PRKN: variants seen among roughly 807,000 people sequenced by gnomAD.
PRKN encodes parkin RBR E3 ubiquitin protein ligase.
In PRKN, 56 loss-of-function variants were observed where a neutral mutation model predicts 59.5. The ratio of observed to expected loss-of-function variants is 0.94; its 90% CI spans 0.76 to 1.18. The LOEUF is 1.18. PRKN is among the 50% of genes most tolerant of loss of function. The pLI is 0.00. For synonymous variants in PRKN, 250 were observed against 222.1 expected (o/e 1.13, Z -1.12); for missense variants, 657 against 596.4 (o/e 1.10, Z -1.06).
At chr6:161,973,534 A>C (rs1780908148) in intron 5 of PRKN, 117 bp from the exon 6 acceptor site, 1 of 705,970 alleles carries the variant, frequency 1.4e-6, no homozygotes, top group Non-Finnish European at 2.6e-6. Flanking sequence ...ACGAGGTGTG[A>C]GATGGAAATA....
chr6:162,228,163 G>C (rs775043106), intron 3 of PRKN, among the ~76,000 whole-genome samples: 52 of 152,138 alleles, frequency 3.4e-4, no homozygotes, highest in Admixed American at 5.9e-4. Flanking sequence ...GAAGCCTTTA[G>C]TCTTTATTTC....
At chr6:162,475,250 G>T (rs951583688) in intron 1 of PRKN, among the ~76,000 whole-genome samples, 1 of 152,166 alleles carries the variant, frequency 6.6e-6, no homozygotes, top group African/African-American at 2.4e-5. Context: ...GGTCAACAAG[G>T]CTAAGGCACC....
chr6:161,803,817 C>T (rs912540126), intron 6 of PRKN, among the ~76,000 whole-genome samples: 2 of 152,166 alleles, frequency 1.3e-5, no homozygotes, highest in African/African-American at 4.8e-5. Flanking sequence ...TGGCATGTGG[C>T]GGGTCTGCGA....
intron 1 of PRKN, among the ~76,000 whole-genome samples, chr6:162,719,617 T>C (rs1283596054): frequency 1.3e-5 from 2 of 152,176 alleles, no homozygotes; most frequent in Admixed American, 1.3e-4. Context: ...AAGATTTCCA[T>C]TGCAGACAAT....
chr6:162,383,562 G>A (rs954668752), intron 2 of PRKN, among the ~76,000 whole-genome samples: 2 of 152,088 alleles, frequency 1.3e-5, no homozygotes, highest in African/African-American at 2.4e-5. Flanking sequence ...TACAAAGCAA[G>A]GTCAGAGTAG....
chr6:162,716,185 A>G (rs1164661459), intron 1 of PRKN, among the ~76,000 whole-genome samples: 1 of 152,216 alleles, frequency 6.6e-6, no homozygotes, highest in African/African-American at 2.4e-5. Context: ...CAAATTCTGC[A>G]TTCATCTATT....
At chr6:162,192,563 C>T (rs142149858) in intron 4 of PRKN, among the ~76,000 whole-genome samples, 7 of 150,040 alleles carry the variant, frequency 4.7e-5, no homozygotes, top group Non-Finnish European at 1.0e-4. Context: ...ATGGATCCAC[C>T]TGCCTCGGTC....
chr6:162,339,290 T>TG (rs1359968958), intron 2 of PRKN, among the ~76,000 whole-genome samples: 6 of 73,298 alleles, frequency 8.2e-5, no homozygotes, highest in Admixed American at 4.2e-4. Flanking sequence ...GGGAGGGAGG[T>TG]GGGGGGGTCA....
intron 4 of PRKN, among the ~76,000 whole-genome samples, chr6:162,069,421 T>C (rs1397033846): frequency 1.3e-5 from 2 of 152,146 alleles, no homozygotes; most frequent in Non-Finnish European, 2.9e-5. Flanking sequence ...AGTGTGAAAA[T>C]TGACTAATAC....
intron 7 of PRKN, among the ~76,000 whole-genome samples, chr6:161,703,467 G>A (rs1316015708): frequency 6.6e-6 from 1 of 152,086 alleles, no homozygotes; most frequent in Non-Finnish European, 1.5e-5. Flanking sequence ...TAAAATAAAG[G>A]CCAGATAACA....
At chr6:162,510,549 TC>T in intron 1 of PRKN, among the ~76,000 whole-genome samples, 1 of 152,278 alleles carries the variant, frequency 6.6e-6, no homozygotes, top group Non-Finnish European at 1.5e-5. Flanking sequence ...CTCTGAGCCC[TC>T]CAGGGCCTAT....
At chr6:161,823,927 C>A (rs540146098) in intron 6 of PRKN, among the ~76,000 whole-genome samples, 1 of 152,326 alleles carries the variant, frequency 6.6e-6, no homozygotes, top group South Asian at 2.1e-4. Context: ...CCTTTCCACT[C>A]CAGCACTGCC....
intron 9 of PRKN, among the ~76,000 whole-genome samples, chr6:161,416,646 G>A (rs956498087): frequency 3.9e-5 from 6 of 152,080 alleles, no homozygotes; most frequent in African/African-American, 9.7e-5. Flanking sequence ...AGGAGACAGT[G>A]TCCTATATTT....
chr6:162,235,889 GAA>G (rs1214788273), intron 3 of PRKN, among the ~76,000 whole-genome samples: 1 of 144,954 alleles, frequency 6.9e-6, no homozygotes, highest in African/African-American at 2.6e-5. Context: ...GAGAGAGAAA[GAA>G]AGAAAGAAGG....
intron 6 of PRKN, among the ~76,000 whole-genome samples, chr6:161,936,499 A>G (rs1447297778): frequency 6.6e-6 from 1 of 152,030 alleles, no homozygotes; most frequent in African/African-American, 2.4e-5. Context: ...GTGAGTCACC[A>G]TGCCCGGCTG....
chr6:162,033,815 C>T (rs1007691058), intron 5 of PRKN, among the ~76,000 whole-genome samples: 4 of 152,100 alleles, frequency 2.6e-5, no homozygotes, highest in Non-Finnish European at 5.9e-5. Context: ...GTTTTCCTTC[C>T]ATCTTTTCTA....
intron 1 of PRKN, among the ~76,000 whole-genome samples, chr6:162,556,358 T>TGTGTGTGTGTGTGTGC (rs1562381856): frequency 1.1e-4 from 8 of 72,438 alleles, no homozygotes; most frequent in African/African-American, 3.3e-4. Context: ...TGTGTGTGTG[T>TGTGTGTGTGTGTGTGC]GTGTGTGTGT....
Position 161,353,565 on chromosome 6 carries a change from G to A in PRKN, c.1286-3354C>T, listed in dbSNP as rs963654657. On this transcript the variant is annotated intron_variant, in intron 11 of 11. Transcript: ENST00000366898. This position sits in a 1 kb window ranked among gnomAD's most constrained non-coding sequence, Gnocchi z 4.8. ...TCTGATGGGCGGAGCACCCAGGGAA[G>A]GCTTGGAAGCTCCGCGACCCTTCCC... Among the ~76,000 whole-genome samples, 2 of 152,234 alleles carry A rather than the reference G, an allele frequency of 1.3e-5. No homozygotes were observed. The highest frequency in any genetic ancestry group is 4.8e-5 in the African/African-American group (2 of 41,460).
chr6:162,452,248 CAAAT>C (rs994395150), intron 1 of PRKN, among the ~76,000 whole-genome samples: 24 of 152,122 alleles, frequency 1.6e-4, no homozygotes, highest in African/African-American at 5.5e-4. Context: ...CAAGAAATAT[CAAAT>C]AAACTCTTCA....
Sources: gnomAD v4.1 joint callset for allele counts (sites outside exome capture counted in the v4.1 genomes callset) on GRCh38, gnomAD v4.1.1 for gene constraint, Gnocchi (gnomAD v3.1) non-coding constraint, MANE v1.5 for transcripts, NCBI Gene and HGNC (gene_info 2026-07-23, HGNC 2026-07-21) for gene names.